Variants in SLC6A12 observed in about 807,000 individuals in gnomAD.
The protein encoded by SLC6A12 is sodium- and chloride-dependent betaine transporter.
In SLC6A12, 50 loss-of-function variants were observed where a neutral mutation model predicts 73.3. The observed-to-expected ratio is 0.68, with a 90% CI of 0.54 to 0.86. The LOEUF (loss-of-function observed/expected upper bound fraction) is 0.86. Ranked by LOEUF, SLC6A12 falls within the 40% of genes least tolerant of loss-of-function variation. The probability of loss-of-function intolerance (pLI) is 0.00; values close to 1 mark genes in which losing one functional copy is unlikely to be tolerated. For synonymous variants in SLC6A12, 304 were observed against 309.2 expected (o/e 0.98, Z 0.18); for missense variants, 648 against 772.8 (o/e 0.84, Z 1.92).
intron 10 of SLC6A12, 128 bp from the exon 11 acceptor site, chr12:197,010 C>A (rs1939900602): frequency 3.7e-6 from 2 of 544,874 alleles, no homozygotes; most frequent in East Asian, 3.1e-5. Context: ...GTGATTCCAT[C>A]CACTGTTCTT....
In SLC6A12 at chr12:196,885, G is replaced by A. The variant is rs371393447; in HGVS notation, c.1076-3C>T. ...GGCGATGAAGGCCAGCCCAGGACCT[G>A]CCAGGTACACAGCACAGTCAGGGAG... On this transcript the variant is annotated splice_polypyrimidine_tract_variant and splice_region_variant and intron_variant, in intron 10 of 15. Transcript: ENST00000684302. 15 of 1,609,604 alleles carry A rather than the reference G, an allele frequency of 9.3e-6. 1 individual carries two copies. The highest frequency in any genetic ancestry group is 3.3e-4 in the Middle Eastern group (2 of 5,982).
At chr12:203,059 C>CT (rs10582500) in intron 4 of SLC6A12, among the ~76,000 whole-genome samples, 179 bp from the exon 5 acceptor site, 3,321 of 68,222 alleles carry the variant, frequency 0.049, 124 homozygotes, top group Admixed American at 0.07. Context: ...TTTTTCTTTT[C>CT]TTTTTTTTTT....
intron 10 of SLC6A12, 38 bp from the exon 11 acceptor site, chr12:196,920 C>CAGCACACGCCCTGGA: frequency 6.8e-7 from 1 of 1,464,642 alleles, no homozygotes; most frequent in Non-Finnish European, 9.6e-7. Flanking sequence ...GGCTCCAGGG[C>CAGCACACGCCCTGGA]GTGTGCTGCC....
chr12:206,192 T>C (rs1279344508), intron 3 of SLC6A12, among the ~76,000 whole-genome samples: 1 of 152,220 alleles, frequency 6.6e-6, no homozygotes, highest in Non-Finnish European at 1.5e-5. Flanking sequence ...AGCTTTTTCA[T>C]CATCCCAGAC....
intron 14 of SLC6A12, 120 bp downstream of exon 14, chr12:193,157 C>G (rs1193995966): frequency 2.7e-6 from 2 of 730,862 alleles, no homozygotes; most frequent in Admixed American, 4.0e-5. Context: ...GGAAATGGAC[C>G]AGGCCCCACG....
chr12:191,202 G>T lies in SLC6A12; in HGVS notation c.1711C>A (p.Gln571Lys). The T allele has an allele frequency of 7.8e-7, 1 of 1,275,610 alleles. No homozygotes were observed. The highest frequency in any genetic ancestry group is 1.0e-6 in the Non-Finnish European group (1 of 1,000,574). 79.0% of individuals were successfully genotyped at this position (1,275,610 alleles called of 1,614,324 possible). A position where few individuals can be genotyped will look rare whatever the true frequency, so the allele number is the denominator to read the frequency against. ...AGACTGGAGTCAGGGGTGATGAGCT[G>T]ACGCAGACGCTGTGGAGAGAAGAGG... is the stretch of plus-strand genomic sequence containing the variant. ...TRGPFRKRLR[Q>K]LITPDSSLPQ... The change falls in exon 16 of 16, where the codon CAG becomes AAG. Residue 571 changes from glutamine (Q) to lysine (K), a missense_variant. Coordinates refer to ENST00000684302, the MANE Select transcript of SLC6A12 (RefSeq NM_001122848.3).
At chr12:203,200 G>A (rs982988826) in intron 4 of SLC6A12, 1 of 192,664 alleles carries the variant, frequency 5.2e-6, no homozygotes, top group Non-Finnish European at 1.0e-5. Context: ...CGGAGTAGCT[G>A]GGACCACAGA....
At chr12:187,598 A>AAAAAAAAAAAAAAAAC (rs1939455598), downstream of SLC6A12, among the ~76,000 whole-genome samples, 2 of 7,960 alleles carry the variant, frequency 2.5e-4, no homozygotes, top group Non-Finnish European at 3.1e-3. Context: ...GCAAAAAAAA[A>AAAAAAAAAAAAAAAAC]AAAAAAAAAA....
chr12:193,432 C>A, intron 13 of SLC6A12, 55 bp from the exon 14 acceptor site: 1 of 1,395,530 alleles, frequency 7.2e-7, no homozygotes, highest in South Asian at 1.2e-5. Flanking sequence ...AACAGCTTCC[C>A]GGTGTTTGGG....
rs751085254 is a variant in SLC6A12, at chr12:196,114, C to T, written c.1326+10G>A. ...GGAGCCTGGCCTGCAGGCCGGCGGC[C>T]GCAGCTCACCTCGGTGACCAGGAAA... On this transcript the variant is annotated intron_variant, in intron 12 of 15. Transcript: ENST00000684302. 22 of 1,553,728 alleles carry T rather than the reference C, an allele frequency of 1.4e-5. No individual in the cohort carries two copies. Among genetic ancestry groups the T allele is most frequent in the South Asian group, 2.4e-5 (2 of 84,362 alleles).
chr12:194,754 G>A (rs1203647878), intron 13 of SLC6A12, among the ~76,000 whole-genome samples: 1 of 152,210 alleles, frequency 6.6e-6, no homozygotes, highest in Non-Finnish European at 1.5e-5. Context: ...CAGTACAGGA[G>A]AGAAATGCAT....
intron 13 of SLC6A12, among the ~76,000 whole-genome samples, chr12:194,391 G>A (rs2137115574): frequency 6.6e-6 from 1 of 152,340 alleles, no homozygotes; most frequent in South Asian, 2.1e-4. Flanking sequence ...CCTACTGTGT[G>A]GCACCCACTG....
At chr12:197,174 C>CATCTATCCATCCATCT (rs1565469145) in intron 10 of SLC6A12, among the ~76,000 whole-genome samples, 26 of 12,060 alleles carry the variant, frequency 2.2e-3, no homozygotes, top group East Asian at 0.011. Flanking sequence ...TCCATCCATC[C>CATCTATCCATCCATCT]ATCCATCCAT....
At chr12:205,716 C>T (rs1281513971) in intron 3 of SLC6A12, among the ~76,000 whole-genome samples, 1 of 152,176 alleles carries the variant, frequency 6.6e-6, no homozygotes, top group Non-Finnish European at 1.5e-5. Context: ...TTCCAGATTT[C>T]TTAAAAGCAC....
chr12:187,099 G>A (rs985850234), downstream of SLC6A12, among the ~76,000 whole-genome samples: 1 of 152,224 alleles, frequency 6.6e-6, no homozygotes, highest in African/African-American at 2.4e-5. Context: ...ACTCCAGCAT[G>A]CCTCAGGGCT....
rs1212540868 is a variant in SLC6A12, at chr12:191,130, TC to T, written c.1782del (p.Asn595ThrfsTer11). ...QHPCLDGSAG[R>X]NFGPSPTREG... ...TCCCTTGTTGGGGAGGGCCCAAAGT[TC>T]CGGCCAGCACTGCCATCCAAGCAGG... On this transcript the variant is annotated frameshift_variant, in exon 16 of 16. Transcript: ENST00000684302. LOFTEE classifies it low-confidence loss of function (END_TRUNC). 7.4e-7 allele frequency: 1 copy of T among 1,350,232 alleles called. No individual in the cohort carries two copies. The highest frequency in any genetic ancestry group is 9.6e-7 in the Non-Finnish European group (1 of 1,037,614). 83.6% of individuals were successfully genotyped at this position (1,350,232 alleles called of 1,614,324 possible). A position where few individuals can be genotyped will look rare whatever the true frequency, so the allele number is the denominator to read the frequency against.
In SLC6A12 at chr12:212,065, T is replaced by C. The variant is rs1391999293; in HGVS notation, c.-97A>G. The C allele has an allele frequency of 6.6e-6, 1 of 152,244 alleles. No homozygotes were observed. Among genetic ancestry groups the C allele is most frequent in the Non-Finnish European group, 1.5e-5 (1 of 68,058 alleles). 9.4% of individuals were successfully genotyped at this position (152,244 alleles called of 1,614,324 possible). ...GTGGAGCTGGGTCTCTAACTTGCTGTGTGACCTCAGGCAAATCACACCCCC... is the reference window on the plus strand; with the variant it reads ...GTGGAGCTGGGTCTCTAACTTGCTGCGTGACCTCAGGCAAATCACACCCCC... On this transcript the variant is annotated 5_prime_UTR_variant, in exon 2 of 16. Coordinates refer to ENST00000684302, the MANE Select transcript of SLC6A12 (RefSeq NM_001122848.3).
intron 13 of SLC6A12, among the ~76,000 whole-genome samples, chr12:193,684 A>C (rs2137112953): frequency 6.6e-6 from 1 of 152,360 alleles, no homozygotes; most frequent in South Asian, 2.1e-4. Context: ...GTGTGAGCCC[A>C]AAATGGGGCT....
the SLC6A12 span, among the ~76,000 whole-genome samples, chr12:183,887 AT>A: frequency 6.6e-6 from 1 of 152,156 alleles, no homozygotes; most frequent in African/African-American, 2.4e-5. Context: ...GGAACAGATA[AT>A]TCCAATATCA....
Sources: allele counts gnomAD v4.1 joint callset (sites outside exome capture counted in the v4.1 genomes callset), GRCh38; gene constraint gnomAD v4.1.1; transcripts MANE v1.5; gene names NCBI Gene and HGNC (gene_info 2026-07-23, HGNC 2026-07-21).